Variants in SLC4A4 observed in about 807,000 individuals in gnomAD.
SLC4A4 encodes the protein electrogenic sodium bicarbonate cotransporter 1.
In SLC4A4, 27 loss-of-function variants were observed where a neutral mutation model predicts 111.5. That is an observed-to-expected ratio of 0.24 (90% CI 0.18 to 0.33). The LOEUF (loss-of-function observed/expected upper bound fraction) is 0.33, where lower values mean the gene tolerates loss of function less well. SLC4A4 is among the 10% of genes least tolerant of loss of function. The pLI is 1.00. For synonymous variants in SLC4A4, 443 were observed against 463.4 expected (o/e 0.96, Z 0.57); for missense variants, 909 against 1,315.5 (o/e 0.69, Z 4.78).
chr4:71,144,358 T>C (rs1354903495), intron 2 of SLC4A4, among the ~76,000 whole-genome samples: 6 of 152,212 alleles, frequency 3.9e-5, no homozygotes, highest in African/African-American at 1.4e-4. Context: ...AGCCTTGTAG[T>C]ATAGTTTGAA....
At chr4:71,558,826 T>A (rs917227183) in intron 22 of SLC4A4, among the ~76,000 whole-genome samples, 1 of 151,888 alleles carries the variant, frequency 6.6e-6, no homozygotes, top group East Asian at 1.9e-4. Context: ...GTCAGATTTT[T>A]TTCTTAATGG....
At chr4:71,203,148 G>A (rs1229379528) in intron 1 of SLC4A4, among the ~76,000 whole-genome samples, 1 of 152,050 alleles carries the variant, frequency 6.6e-6, no homozygotes, top group Non-Finnish European at 1.5e-5. Flanking sequence ...ATGATGAGTG[G>A]TAACAATGTA....
chr4:71,079,288 T>A (rs745423029), intron 1 of SLC4A4, among the ~76,000 whole-genome samples: 4 of 152,102 alleles, frequency 2.6e-5, no homozygotes, highest in African/African-American at 4.8e-5. Context: ...GGCATTCCTA[T>A]CGCAAGCCCG....
chr4:71,398,938 T>C (rs546687558), intron 7 of SLC4A4, among the ~76,000 whole-genome samples: 2 of 152,334 alleles, frequency 1.3e-5, no homozygotes, highest in South Asian at 2.1e-4. Flanking sequence ...TGGTTTCATA[T>C]CCATGGATTC....
chr4:71,236,422 G>A (rs890704487), intron 1 of SLC4A4, 154 bp from the exon 2 acceptor site: 1 of 778,984 alleles, frequency 1.3e-6, no homozygotes, highest in Non-Finnish European at 2.0e-6. Flanking sequence ...GAGAGGAGCT[G>A]CGTGAAGCAG....
At chr4:71,164,785 A>G (rs574001440) in intron 2 of SLC4A4, among the ~76,000 whole-genome samples, 1 of 152,314 alleles carries the variant, frequency 6.6e-6, no homozygotes, top group Admixed American at 6.5e-5. Flanking sequence ...AATGGGAGAA[A>G]GTTTTTGCAA....
At chr4:71,324,648 A>G (rs1727370564) in intron 3 of SLC4A4, among the ~76,000 whole-genome samples, 2 of 152,040 alleles carry the variant, frequency 1.3e-5, no homozygotes, top group South Asian at 4.1e-4. Context: ...ACTACACAGA[A>G]TAAGTTATAG....
At chr4:71,214,771 T>C (rs751953318) in intron 1 of SLC4A4, among the ~76,000 whole-genome samples, 15 of 152,212 alleles carry the variant, frequency 9.9e-5, no homozygotes, top group Non-Finnish European at 2.1e-4. Flanking sequence ...TCTGGACATC[T>C]TTTGGCCTGG....
chr4:71,108,122 C>A (rs146470295), intron 2 of SLC4A4, among the ~76,000 whole-genome samples: 1,789 of 152,202 alleles, frequency 0.012, 32 homozygotes, highest in East Asian at 0.043. Context: ...GTGTGTGTCC[C>A]AAAACACAAA....
intron 2 of SLC4A4, among the ~76,000 whole-genome samples, chr4:71,135,360 AC>A (rs1743817449): frequency 7.0e-6 from 1 of 141,864 alleles, no homozygotes; most frequent in South Asian, 2.2e-4. Context: ...CAGTGGCACC[AC>A]CTTGGCTCAC....
chr4:71,198,324 A>G (rs1294282990), intron 1 of SLC4A4, among the ~76,000 whole-genome samples: 1 of 152,232 alleles, frequency 6.6e-6, no homozygotes, highest in Non-Finnish European at 1.5e-5. Context: ...GATAAATATT[A>G]CACTTGAACA....
At chr4:71,139,273 G>A (rs1297697635) in intron 2 of SLC4A4, among the ~76,000 whole-genome samples, 1 of 151,546 alleles carries the variant, frequency 6.6e-6, no homozygotes, top group Non-Finnish European at 1.5e-5. Context: ...CTTTTGGTGT[G>A]AATTGGCCGC....
At chr4:71,126,212 AT>A (rs1743559272) in intron 2 of SLC4A4, among the ~76,000 whole-genome samples, 1 of 152,136 alleles carries the variant, frequency 6.6e-6, no homozygotes, top group Non-Finnish European at 1.5e-5. Context: ...TGATGTGCAT[AT>A]TTTATCATGC....
intron 1 of SLC4A4, among the ~76,000 whole-genome samples, chr4:71,089,168 C>A (rs1367615224): frequency 6.6e-6 from 1 of 151,990 alleles, no homozygotes; most frequent in East Asian, 1.9e-4. Context: ...ATCACTGATA[C>A]CCTTTCTTCC....
At chr4:71,525,286 G>A (rs568581746) in intron 16 of SLC4A4, among the ~76,000 whole-genome samples, 1 of 152,038 alleles carries the variant, frequency 6.6e-6, no homozygotes, top group South Asian at 2.1e-4. Context: ...TTGAGATACT[G>A]TCTAATTAAT....
intron 2 of SLC4A4, among the ~76,000 whole-genome samples, chr4:71,246,872 T>G (rs147997814): frequency 1.3e-5 from 2 of 152,286 alleles, no homozygotes; most frequent in East Asian, 3.9e-4. Flanking sequence ...ACGTCATTAA[T>G]TGCCTATTTG....
At chr4:71,492,527 T>C (rs1424033377) in intron 15 of SLC4A4, among the ~76,000 whole-genome samples, 1 of 151,982 alleles carries the variant, frequency 6.6e-6, no homozygotes, top group Non-Finnish European at 1.5e-5. Context: ...AGTACCCATT[T>C]ACCTAAACAA....
At chr4:71,283,563 G>A (rs1723692040) in intron 3 of SLC4A4, among the ~76,000 whole-genome samples, 1 of 152,108 alleles carries the variant, frequency 6.6e-6, no homozygotes, top group African/African-American at 2.4e-5. Flanking sequence ...AGTTTCCAGA[G>A]AAGAAAATGT....
chr4:71,371,629 T>C (rs1333474131), intron 6 of SLC4A4, among the ~76,000 whole-genome samples: 1 of 152,142 alleles, frequency 6.6e-6, no homozygotes, highest in East Asian at 1.9e-4. Context: ...ATAGTTCTTA[T>C]AAACACAGAT....
Sources: allele counts gnomAD v4.1 joint callset (sites outside exome capture counted in the v4.1 genomes callset), GRCh38; gene constraint gnomAD v4.1.1; transcripts MANE v1.5; gene names NCBI Gene and HGNC (gene_info 2026-07-23, HGNC 2026-07-21).